Variants in LHPP observed in about 807,000 individuals in gnomAD.
The protein encoded by LHPP is phospholysine phosphohistidine inorganic pyrophosphate phosphatase, also known as hLHPP.
LHPP carries 24 observed loss-of-function variants against 30.3 expected under a neutral mutation model. That is an observed-to-expected ratio of 0.79 (90% CI 0.57 to 1.11). LHPP has a LOEUF of 1.11. LHPP is among the 50% of genes most tolerant of loss of function. The pLI, the probability that LHPP is intolerant of heterozygous loss-of-function variation, is 0.00. For synonymous variants in LHPP, 150 were observed against 157.1 expected (o/e 0.95, Z 0.34); for missense variants, 356 against 367.2 (o/e 0.97, Z 0.25).
At chr10:124,481,694 C>G (rs1398734514) in intron 1 of LHPP, among the ~76,000 whole-genome samples, 2 of 152,094 alleles carry the variant, frequency 1.3e-5, no homozygotes, top group Non-Finnish European at 2.9e-5. Flanking sequence ...TCTGCCCTCT[C>G]AGTGGTCCTC....
rs1271976712 is a variant in LHPP at position 124,541,481 on chromosome 10, G to C, written c.716+24210G>C. Among the ~76,000 whole-genome samples the C allele has an allele frequency of 6.6e-6, 1 of 152,172 alleles. No individual in the cohort carries two copies. Among genetic ancestry groups the C allele is most frequent in the Admixed American group, 6.5e-5 (1 of 15,274 alleles). On this transcript the variant is annotated intron_variant, in intron 6 of 6. Transcript: ENST00000368842. The surrounding 1 kb of genome is among the most constrained non-coding windows in gnomAD (Gnocchi z 4.2). ...CTCTGCTAGCCCCAGACCTAACGGA[G>C]TTGCGGCTCATGGCCACCCTGAGGA...
chr10:124,534,668 G>T (rs544403791), intron 6 of LHPP, among the ~76,000 whole-genome samples: 1 of 152,212 alleles, frequency 6.6e-6, no homozygotes, highest in Non-Finnish European at 1.5e-5. Flanking sequence ...AGGCGAGACC[G>T]CTGTGAGCGC....
intron 6 of LHPP, among the ~76,000 whole-genome samples, chr10:124,548,974 T>A (rs1432897986): frequency 6.6e-6 from 1 of 152,240 alleles, no homozygotes; most frequent in Non-Finnish European, 1.5e-5. Flanking sequence ...GACATTCCAC[T>A]GTAGAATAAA....
chr10:124,518,166 C>G (rs1336579278), intron 6 of LHPP, among the ~76,000 whole-genome samples: 1 of 152,204 alleles, frequency 6.6e-6, no homozygotes, highest in Non-Finnish European at 1.5e-5. Context: ...AGGCTCAGCG[C>G]ACCTGGGTCC....
intron 6 of LHPP, among the ~76,000 whole-genome samples, chr10:124,547,898 G>T (rs1294011800): frequency 6.6e-6 from 1 of 152,236 alleles, no homozygotes; most frequent in Non-Finnish European, 1.5e-5. Flanking sequence ...GAGGTGGGTG[G>T]CCACACTGTC....
Position 124,517,222 on chromosome 10 carries a change from G to A in LHPP, c.667G>A (p.Ala223Thr). 1 of 1,606,834 alleles carries A rather than the reference G, an allele frequency of 6.2e-7. No individual in the cohort carries two copies. Among genetic ancestry groups the A allele is most frequent in the South Asian group, 1.1e-5 (1 of 89,780 alleles). Residue 223 changes from alanine (A) to threonine (T), a missense_variant, in exon 6 of 7, where the codon GCC (alanine) becomes ACC (threonine). Transcript: ENST00000368842. The surrounding 1 kb of genome is among the most constrained non-coding windows in gnomAD (Gnocchi z 4.1). ...GDDIVGDVGG[A>T]QRCGMRALQV... ...CGATATCGTGGGCGACGTCGGCGGT[G>A]CCCAGCGGTGTGGAATGAGAGCGCT...
At chr10:124,533,108 A>C (rs1352404112) in intron 6 of LHPP, among the ~76,000 whole-genome samples, 1 of 152,198 alleles carries the variant, frequency 6.6e-6, no homozygotes, top group Non-Finnish European at 1.5e-5. Context: ...TCAGGGAAGC[A>C]ATGGGAGTGG....
chr10:124,505,629 G>T (rs1954039896), intron 5 of LHPP, among the ~76,000 whole-genome samples: 1 of 152,218 alleles, frequency 6.6e-6, no homozygotes, highest in Admixed American at 6.5e-5. Context: ...ATAAGGCAAA[G>T]AATAACATAC....
chr10:124,538,765 A>G (rs961939184), intron 6 of LHPP, among the ~76,000 whole-genome samples: 9 of 152,196 alleles, frequency 5.9e-5, no homozygotes, highest in Admixed American at 5.9e-4. Context: ...GAAAAGTGAG[A>G]CCCAAGGTGG....
rs1358970130 is a variant in LHPP at position 124,600,826 on chromosome 10, C to T, written c.717-12438C>T. Among the ~76,000 whole-genome samples the T allele has an allele frequency of 2.6e-5, 4 of 152,332 alleles. No individual in the cohort carries two copies. The Middle Eastern group carries it at 0.01, about 389-fold the overall frequency. ...GCGATAACCCACAGTCCCCAGTGGT[C>T]AGTAGGAAGGAGGCTGCCTGCTTGT... On this transcript the variant is annotated intron_variant, in intron 6 of 6. Transcript: ENST00000368842.
chr10:124,537,432 C>T lies in LHPP; in HGVS notation c.716+20161C>T, dbSNP rs116707333. Among the ~76,000 whole-genome samples the T allele has an allele frequency of 8.7e-3, 1,325 of 152,304 alleles. 19 individuals are homozygous for T. The highest frequency in any genetic ancestry group is 0.029 in the African/African-American group (1,195 of 41,550). On this transcript the variant is annotated intron_variant, in intron 6 of 6. Coordinates refer to ENST00000368842, the MANE Select transcript of LHPP (RefSeq NM_022126.4). ...TAGCGGGCAGCAGGCGGGCCCAGCC[C>T]GGAGCAAGCTGTGCCATTGGCGATG... is the stretch of plus-strand genomic sequence containing the variant.
chr10:124,583,070 A>AT (rs1252790888), intron 6 of LHPP, among the ~76,000 whole-genome samples: 1 of 151,806 alleles, frequency 6.6e-6, no homozygotes, highest in African/African-American at 2.4e-5. Flanking sequence ...GGTCAACTGT[A>AT]TTTTCTCATA....
In LHPP at chr10:124,588,365, C is replaced by T. The variant is rs147241196; in HGVS notation, c.717-24899C>T. Among the ~76,000 whole-genome samples, 858 of 151,638 alleles carry T rather than the reference C, an allele frequency of 5.7e-3. 11 individuals are homozygous for T. The highest frequency in any genetic ancestry group is 0.019 in the African/African-American group (796 of 41,022). The stretch of plus-strand genomic sequence containing the variant: ...GGAGTGCAGTGGCACAATCTTGGCT[C>T]ACTGCATTCTCCAGTTCAAGTGATT... On this transcript the variant is annotated intron_variant, in intron 6 of 6. Coordinates refer to ENST00000368842, the MANE Select transcript of LHPP (RefSeq NM_022126.4).
intron 6 of LHPP, among the ~76,000 whole-genome samples, chr10:124,555,479 G>T (rs928126819): frequency 6.6e-6 from 1 of 152,154 alleles, no homozygotes; most frequent in Non-Finnish European, 1.5e-5. Flanking sequence ...AGTACACCCT[G>T]TGCTACCCAC....
At chr10:124,560,314 T>C (rs1948374659) in intron 6 of LHPP, among the ~76,000 whole-genome samples, 1 of 152,256 alleles carries the variant, frequency 6.6e-6, no homozygotes, top group Non-Finnish European at 1.5e-5. Flanking sequence ...ACATGTGGCA[T>C]ATTTCCTTCC....
At chr10:124,562,530 C>T (rs888928005) in intron 6 of LHPP, among the ~76,000 whole-genome samples, 6 of 152,104 alleles carry the variant, frequency 3.9e-5, no homozygotes, top group Admixed American at 2.0e-4. Context: ...ACAGACATTT[C>T]ACCAAAGATG....
At chr10:124,527,299 A>C (rs1053294330) in intron 6 of LHPP, among the ~76,000 whole-genome samples, 4 of 152,180 alleles carry the variant, frequency 2.6e-5, no homozygotes, top group African/African-American at 9.7e-5. Flanking sequence ...TCCAGCCTGG[A>C]AAAGTGAAGA....
At chr10:124,506,256 A>G (rs1954060326) in intron 5 of LHPP, among the ~76,000 whole-genome samples, 1 of 139,582 alleles carries the variant, frequency 7.2e-6, no homozygotes, top group Admixed American at 7.2e-5. Context: ...CTCAAAAAAA[A>G]CAACAAACCC....
chr10:124,562,667 C>T (rs1948413922), intron 6 of LHPP, among the ~76,000 whole-genome samples: 1 of 152,144 alleles, frequency 6.6e-6, no homozygotes, highest in African/African-American at 2.4e-5. Flanking sequence ...CGTGGTGGCT[C>T]ACAGCTGTAA....
Sources: allele counts gnomAD v4.1 joint callset (sites outside exome capture counted in the v4.1 genomes callset), GRCh38; gene constraint gnomAD v4.1.1; non-coding constraint Gnocchi (gnomAD v3.1); transcripts MANE v1.5; gene names NCBI Gene and HGNC (gene_info 2026-07-23, HGNC 2026-07-21).